Variants in ESCO1 observed in about 807,000 individuals in gnomAD.
ESCO1 encodes N-acetyltransferase ESCO1.
In ESCO1, 33 loss-of-function variants were observed where a neutral mutation model predicts 83.5. The observed-to-expected ratio is 0.40, with a 90% confidence interval of 0.30 to 0.53. The LOEUF is 0.53. Among genes scored for constraint, ESCO1 ranks in the 20% least tolerant of loss-of-function variants. The pLI, the probability that ESCO1 is intolerant of heterozygous loss-of-function variation, is 0.63. For missense variants in ESCO1, 855 were observed against 968.0 expected, an observed-to-expected ratio of 0.88 and a Z score of 1.55; for synonymous variants, 332 against 324.3, an observed-to-expected ratio of 1.02 and a Z score of -0.25.
chr18:21,598,157 A>T (rs1040291841), intron 1 of ESCO1, among the ~76,000 whole-genome samples: 33 of 152,322 alleles, frequency 2.2e-4, no homozygotes, highest in African/African-American at 7.0e-4. Flanking sequence ...TGGTACAAAA[A>T]TCTGCCAATA....
intron 1 of ESCO1, among the ~76,000 whole-genome samples, chr18:21,589,920 C>A (rs1310280897): frequency 6.6e-6 from 1 of 151,974 alleles, no homozygotes; most frequent in African/African-American, 2.4e-5. Context: ...CTCCGCCTCC[C>A]GGGTTCATGC....
At chr18:21,581,462 T>C (rs2038501350) in intron 2 of ESCO1, among the ~76,000 whole-genome samples, 1 of 151,810 alleles carries the variant, frequency 6.6e-6, no homozygotes, top group South Asian at 2.1e-4. Context: ...AAATACAAAA[T>C]TAGCTGGGCA....
At chr18:21,585,329 C>G (rs1007172968) in intron 1 of ESCO1, among the ~76,000 whole-genome samples, 1 of 152,092 alleles carries the variant, frequency 6.6e-6, no homozygotes, top group Non-Finnish European at 1.5e-5. Flanking sequence ...GACAGAGTAT[C>G]TATACTTCCC....
chr18:21,569,835 G>A (rs925725198), intron 4 of ESCO1, among the ~76,000 whole-genome samples: 1 of 152,120 alleles, frequency 6.6e-6, no homozygotes, highest in Non-Finnish European at 1.5e-5. Flanking sequence ...TGGCGACAGA[G>A]CAAGACTCCG....
chr18:21,554,887 G>GA (rs2038092878), intron 8 of ESCO1, among the ~76,000 whole-genome samples: 1 of 151,800 alleles, frequency 6.6e-6, no homozygotes, highest in Non-Finnish European at 1.5e-5. Context: ...TGGCCTGGGG[G>GA]ACAGAGTGAG....
At chr18:21,548,451 C>T (rs1269127777) in intron 8 of ESCO1, among the ~76,000 whole-genome samples, 3 of 151,880 alleles carry the variant, frequency 2.0e-5, no homozygotes, top group Non-Finnish European at 2.9e-5. Flanking sequence ...GCCATGATTG[C>T]GCCACTGCAC....
intron 8 of ESCO1, among the ~76,000 whole-genome samples, chr18:21,553,656 G>A (rs1297837683): frequency 2.0e-5 from 3 of 151,680 alleles, no homozygotes; most frequent in African/African-American, 4.8e-5. Context: ...TCGGGAGTTC[G>A]AGACCAGCCT....
chr18:21,579,127 T>A (rs1471226794), intron 2 of ESCO1, among the ~76,000 whole-genome samples: 1 of 152,074 alleles, frequency 6.6e-6, no homozygotes, highest in Non-Finnish European at 1.5e-5. Flanking sequence ...CCCAAAGTGC[T>A]GCAATTACAG....
chr18:21,566,284 A>G (rs1280226161), intron 5 of ESCO1, 78 bp from the exon 6 acceptor site: 6 of 1,351,382 alleles, frequency 4.4e-6, no homozygotes, highest in Middle Eastern at 2.1e-4. Context: ...ATCATTATAC[A>G]TAAAGAAAAA....
At chr18:21,568,938 T>C (rs2038300492) in intron 4 of ESCO1, among the ~76,000 whole-genome samples, 1 of 151,918 alleles carries the variant, frequency 6.6e-6, no homozygotes, top group Admixed American at 6.6e-5. Context: ...ATAAAAGATA[T>C]TAAAATTAAT....
intron 8 of ESCO1, among the ~76,000 whole-genome samples, chr18:21,555,364 C>T (rs1337502803): frequency 6.6e-6 from 1 of 152,034 alleles, no homozygotes; most frequent in East Asian, 1.9e-4. Flanking sequence ...TTCTCAAAAC[C>T]CACAGAATAT....
intron 9 of ESCO1, among the ~76,000 whole-genome samples, chr18:21,539,354 C>T (rs2034408967): frequency 6.6e-6 from 1 of 152,094 alleles, no homozygotes; most frequent in Admixed American, 6.6e-5. Flanking sequence ...TACTTTGGCA[C>T]TCAAATTATT....
At chr18:21,537,841 T>A (rs2037855128) in intron 9 of ESCO1, among the ~76,000 whole-genome samples, 2 of 152,186 alleles carry the variant, frequency 1.3e-5, no homozygotes, top group South Asian at 4.1e-4. Context: ...CAAAAATTCA[T>A]TAATTTAATT....
intron 11 of ESCO1, among the ~76,000 whole-genome samples, 173 bp downstream of exon 11, chr18:21,532,300 T>C (rs532823827): frequency 2.0e-3 from 310 of 152,316 alleles, no homozygotes; most frequent in Non-Finnish European, 3.3e-3. Context: ...CTCCTCACAT[T>C]ACATTCTCAT....
chr18:21,557,212 A>G (rs944527329), intron 8 of ESCO1, among the ~76,000 whole-genome samples: 2 of 152,218 alleles, frequency 1.3e-5, no homozygotes, highest in Non-Finnish European at 2.9e-5. Flanking sequence ...AACTTAAAAG[A>G]ACAGAAAGAA....
chr18:21,540,013 G>GATAT lies in ESCO1; in HGVS notation c.1954-8_1954-5dup, dbSNP rs35031202. 47 of 1,257,394 alleles carry GATAT rather than the reference G, an allele frequency of 3.7e-5. No individual in the cohort carries two copies. Among genetic ancestry groups the GATAT allele is most frequent in the Middle Eastern group, 2.1e-4 (1 of 4,758 alleles). 77.9% of individuals were successfully genotyped at this position (1,257,394 alleles called of 1,614,324 possible). ...GAATTCTTTCTTTCTTCCAGCCCTA[G>GATAT]ATATATATATATATATATACACACA... On this transcript the variant is annotated splice_polypyrimidine_tract_variant and splice_region_variant and intron_variant, in intron 8 of 11. Transcript: ENST00000269214.
intron 1 of ESCO1, among the ~76,000 whole-genome samples, chr18:21,595,304 T>C (rs1598482996): frequency 1.4e-5 from 2 of 138,996 alleles, no homozygotes; most frequent in Admixed American, 1.6e-4. Context: ...TGGCCGGGCA[T>C]GGTGAGCCGA....
In ESCO1 at chr18:21,574,111, C is replaced by G. The variant is rs2038381824; in HGVS notation, c.733G>C (p.Glu245Gln). Reference sequence around the variant, plus strand: ...GTAGCCATTTTTGATCTTTTCACCTCAGAAGTTACAGGCACAGGTTTCGTT... The same window carrying G: ...GTAGCCATTTTTGATCTTTTCACCTGAGAAGTTACAGGCACAGGTTTCGTT... Reference protein sequence around the residue: ...DETKPVPVTSEVKRSKMATSV... With the variant: ...DETKPVPVTSQVKRSKMATSV... The change falls in exon 4 of 12, where the codon GAG becomes CAG. Residue 245 changes from glutamate to glutamine, a missense_variant. Transcript: ENST00000269214. 2 of 1,613,364 alleles carry G rather than the reference C, an allele frequency of 1.2e-6. No individual in the cohort carries two copies. The highest frequency in any genetic ancestry group is 2.7e-5 in the African/African-American group (2 of 74,884).
intron 1 of ESCO1, among the ~76,000 whole-genome samples, chr18:21,588,905 A>G (rs1050713759): frequency 2.6e-5 from 4 of 152,110 alleles, no homozygotes; most frequent in East Asian, 1.9e-4. Flanking sequence ...AAATAAATAA[A>G]TAAATAGGAT....
Sources: allele counts gnomAD v4.1 joint callset (sites outside exome capture counted in the v4.1 genomes callset), GRCh38; gene constraint gnomAD v4.1.1; transcripts MANE v1.5; gene names NCBI Gene and HGNC (gene_info 2026-07-23, HGNC 2026-07-21).